RCC2: variants seen among roughly 807,000 people sequenced by gnomAD.
RCC2 encodes the protein regulator of chromosome condensation 2, also known as protein RCC2.
RCC2 carries 19 observed loss-of-function variants against 64.1 expected under a neutral mutation model. That is an observed-to-expected ratio of 0.30 (90% CI 0.21 to 0.44). The LOEUF (loss-of-function observed/expected upper bound fraction) is 0.44, where lower values mean the gene tolerates loss of function less well. RCC2 is among the 20% of genes least tolerant of loss of function. RCC2 has a pLI of 1.00. For missense variants in RCC2, 508 were observed against 710.4 expected (o/e 0.72, Z 3.24); for synonymous variants, 325 against 279.6 (o/e 1.16, Z -1.62).
chr1:17,413,601 G>A lies in RCC2; in HGVS notation c.1143C>T (p.Phe381=), dbSNP rs756529027. ...AGATCTGGGAAGCCCCACGCCCAGGGAAGTCAAACAGCTTCACCAGGCGGG... is the reference window on the plus strand; with the variant it reads ...AGATCTGGGAAGCCCCACGCCCAGGAAAGTCAAACAGCTTCACCAGGCGGG... ...MVPRLVKLFD[F]PGRGASQIYA... is the part of the protein sequence containing the mutation. Residue 381 remains phenylalanine (F), a synonymous_variant, in exon 9 of 13, where the codon TTC becomes TTT. Transcript: ENST00000375436. 3.7e-6 allele frequency: 6 copies of A among 1,614,058 alleles called. No homozygotes were observed. The highest frequency in any genetic ancestry group is 1.3e-5 in the African/African-American group (1 of 74,938).
At chr1:17,409,230 C>T (rs774705565) in intron 12 of RCC2, 36 bp from the exon 13 acceptor site, 87 of 1,330,884 alleles carry the variant, frequency 6.5e-5, no homozygotes, top group Admixed American at 1.7e-4. Flanking sequence ...GTGCCTGAGG[C>T]GCCTGGACTA....
chr1:17,422,039 A>AAAACAAAAAAAC (rs961906263), intron 6 of RCC2, among the ~76,000 whole-genome samples, 164 bp downstream of exon 6: 2 of 152,250 alleles, frequency 1.3e-5, no homozygotes, highest in Admixed American at 1.3e-4. Flanking sequence ...AAAAAAACAA[A>AAAACAAAAAAAC]AAACAAAAAA....
At chr1:17,411,794 T>G (rs2075429449) in intron 11 of RCC2, among the ~76,000 whole-genome samples, 1 of 152,160 alleles carries the variant, frequency 6.6e-6, no homozygotes, top group South Asian at 2.1e-4. Context: ...CCCACTGACT[T>G]AGGCCTCCAG....
At chr1:17,420,531 C>T (rs2075544445) in intron 7 of RCC2, among the ~76,000 whole-genome samples, 183 bp downstream of exon 7, 1 of 152,108 alleles carries the variant, frequency 6.6e-6, no homozygotes, top group Admixed American at 6.5e-5. Context: ...TGTTGCAATA[C>T]TCCATAATCC....
At chr1:17,415,453 C>T (rs915923659) in intron 8 of RCC2, among the ~76,000 whole-genome samples, 2 of 152,188 alleles carry the variant, frequency 1.3e-5, no homozygotes, top group African/African-American at 4.8e-5. Context: ...TGGCTCACAC[C>T]TATAATCCCA....
intron 3 of RCC2, among the ~76,000 whole-genome samples, chr1:17,426,611 C>A (rs1168116528): frequency 4.6e-5 from 7 of 152,146 alleles, no homozygotes; most frequent in South Asian, 2.1e-4. Flanking sequence ...CCACCCAGGG[C>A]TAAAGCTGTA....
intron 2 of RCC2, among the ~76,000 whole-genome samples, chr1:17,430,227 A>G (rs1474044311): frequency 3.3e-5 from 5 of 152,222 alleles, no homozygotes; most frequent in African/African-American, 1.2e-4. Context: ...GCTTCAGGAA[A>G]AAAGTCTGGC....
At chr1:17,436,880 G>A (rs771416337) in intron 2 of RCC2, among the ~76,000 whole-genome samples, 1 of 152,206 alleles carries the variant, frequency 6.6e-6, no homozygotes, top group Non-Finnish European at 1.5e-5. Context: ...AGACGTCAAA[G>A]GAAAACAGTT....
chr1:17,428,358 A>C (rs1445521261), intron 3 of RCC2, among the ~76,000 whole-genome samples: 1 of 152,202 alleles, frequency 6.6e-6, no homozygotes, highest in Non-Finnish European at 1.5e-5. Flanking sequence ...CTGCAACTTA[A>C]ACCCATTTCT....
intron 2 of RCC2, among the ~76,000 whole-genome samples, chr1:17,433,978 T>C (rs1349479205): frequency 6.6e-6 from 1 of 152,190 alleles, no homozygotes; most frequent in Admixed American, 6.5e-5. Flanking sequence ...CCACAAAACC[T>C]TGGCAACCCA....
intron 8 of RCC2, among the ~76,000 whole-genome samples, chr1:17,414,762 G>A (rs1195921606): frequency 1.3e-5 from 2 of 151,876 alleles, no homozygotes; most frequent in African/African-American, 4.8e-5. Flanking sequence ...CTCCCAAGTC[G>A]CTAGGACTTG....
intron 8 of RCC2, among the ~76,000 whole-genome samples, chr1:17,414,707 C>T (rs1470336165): frequency 6.6e-6 from 1 of 152,074 alleles, no homozygotes; most frequent in African/African-American, 2.4e-5. Context: ...TCACGGCTCA[C>T]CACAACCTCC....
chr1:17,425,025 G>A (rs763527824), intron 4 of RCC2, among the ~76,000 whole-genome samples: 10 of 152,162 alleles, frequency 6.6e-5, no homozygotes, highest in Non-Finnish European at 1.0e-4. Flanking sequence ...CAGACAACAC[G>A]GACAGTGAGC....
Position 17,416,503 on chromosome 1 carries a change from C to T in RCC2, c.1003G>A (p.Val335Met), listed in dbSNP as rs777410556. The change falls in exon 8 of 13, where the codon GTG becomes ATG. Residue 335 changes from valine (V) to methionine (M), a missense_variant. Around this residue, in one of 4 missense-constraint regions of RCC2, gnomAD observed 179 missense variants for 322.0 expected, o/e 0.56. Transcript: ENST00000375436. Reference protein sequence around the residue: ...LPVPNVVVRDVACGANHTLVL... With the variant: ...LPVPNVVVRDMACGANHTLVL... Reference sequence around the variant, plus strand: ...ACCGTGTGGTTAGCGCCACAGGCCACGTCTCGTACAACCACGTTTGGTACA... The same window carrying T: ...ACCGTGTGGTTAGCGCCACAGGCCATGTCTCGTACAACCACGTTTGGTACA... 14 of 1,612,934 alleles carry T rather than the reference C, an allele frequency of 8.7e-6. No individual in the cohort carries two copies. Among genetic ancestry groups the T allele is most frequent in the Admixed American group, 5.0e-5 (3 of 59,968 alleles).
At position 17,438,485 on chromosome 1, in the gene RCC2, G is replaced by GGCCGCC. The variant is rs747484228; in HGVS notation, c.24_29dup (p.Ala9_Ala10dup). The GGCCGCC allele has an allele frequency of 8.9e-6, 12 of 1,341,816 alleles. No individual in the cohort carries two copies. The South Asian group carries it at 1.7e-4, about 19-fold the overall frequency. 83.1% of individuals were successfully genotyped at this position (1,341,816 alleles called of 1,614,324 possible). ...CGTTGCCCGAGCTCGGCTCCTCCCA[G>GGCCGCC]GCCGCCGCCGCCGCCTTCTTCCTGG... On this transcript the variant is annotated inframe_insertion, in exon 2 of 13. Transcript: ENST00000375436.
intron 2 of RCC2, among the ~76,000 whole-genome samples, chr1:17,429,939 C>A (rs1458144602): frequency 1.3e-5 from 2 of 152,140 alleles, no homozygotes; most frequent in Admixed American, 1.3e-4. Context: ...GTCATCAGGG[C>A]CACCAACTCT....
At chr1:17,427,385 C>G (rs1180046808) in intron 3 of RCC2, among the ~76,000 whole-genome samples, 3 of 152,140 alleles carry the variant, frequency 2.0e-5, no homozygotes, top group Non-Finnish European at 4.4e-5. Context: ...CAGACACCTC[C>G]CCTGAAAGGA....
chr1:17,433,834 G>C (rs889121569), intron 2 of RCC2, among the ~76,000 whole-genome samples: 3 of 152,142 alleles, frequency 2.0e-5, no homozygotes, highest in Non-Finnish European at 4.4e-5. Context: ...CCGCTGCTCC[G>C]GGGAGGTAAG....
chr1:17,428,390 T>C (rs911832416), intron 3 of RCC2, among the ~76,000 whole-genome samples: 2 of 151,598 alleles, frequency 1.3e-5, no homozygotes, highest in African/African-American at 4.8e-5. Flanking sequence ...CCCCCAGGTG[T>C]TTTCATGGAA....
Sources: gnomAD v4.1 joint callset for allele counts (sites outside exome capture counted in the v4.1 genomes callset) on GRCh38, gnomAD v4.1.1 for gene constraint, gnomAD v4.1.1 regional missense constraint, MANE v1.5 for transcripts, NCBI Gene and HGNC (gene_info 2026-07-23, HGNC 2026-07-21) for gene names.